ASL: variants seen among roughly 807,000 people sequenced by gnomAD.
ASL encodes the protein argininosuccinate lyase, also known as argininosuccinase.
Under a neutral mutation model 69.1 loss-of-function variants are expected in ASL, and 51 were observed. The ratio of observed to expected loss-of-function variants is 0.74; its 90% CI spans 0.59 to 0.93. ASL has a LOEUF of 0.93. Among genes scored for constraint, ASL ranks in the 40% least tolerant of loss-of-function variants. The pLI is 0.00. For missense variants in ASL, 540 were observed against 623.9 expected (o/e 0.87, Z 1.43); for synonymous variants, 241 against 247.6 (o/e 0.97, Z 0.25).
chr7:66,076,583 C>T (rs1292631157), intron 2 of ASL, among the ~76,000 whole-genome samples: 1 of 152,212 alleles, frequency 6.6e-6, no homozygotes, highest in African/African-American at 2.4e-5. Flanking sequence ...GGGACGTCGC[C>T]TCGTGGCTCC....
chr7:66,087,139 A>C, intron 8 of ASL, 195 bp from the exon 9 acceptor site: 2 of 681,504 alleles, frequency 2.9e-6, no homozygotes, highest in South Asian at 1.7e-5. Context: ...TTTTGTGGAC[A>C]CTTGGGGACA....
intron 11 of ASL, 78 bp from the exon 12 acceptor site, chr7:66,089,013 C>G: frequency 6.2e-7 from 1 of 1,609,702 alleles, no homozygotes; most frequent in Middle Eastern, 1.7e-4. Context: ...CCGTCCCACC[C>G]CTCCGCCAGA....
intron 7 of ASL, 24 bp from the exon 8 acceptor site, chr7:66,086,720 C>A: frequency 6.2e-7 from 1 of 1,609,952 alleles, no homozygotes; most frequent in Non-Finnish European, 8.5e-7. Flanking sequence ...CTGCCCTGAC[C>A]CTCCTGCCCC....
chr7:66,086,851 T>C, intron 8 of ASL, 30 bp downstream of exon 8: 4 of 1,552,150 alleles, frequency 2.6e-6, no homozygotes. Context: ...CCCGAGGGCC[T>C]GGTGGGGGTG....
chr7:66,088,970 C>T lies in ASL; in HGVS notation c.833+49C>T, dbSNP rs773583579. 4 of 1,607,698 alleles carry T rather than the reference C, an allele frequency of 2.5e-6. No individual in the cohort carries two copies. In the East Asian group the frequency reaches 6.7e-5, roughly 27 times the overall value. ...ATCTGCCGCTGCCGGCCTCTGTATC[C>T]CCCGCCGCCCGCGGACGTGGCTGCC... On this transcript the variant is annotated intron_variant, in intron 11 of 16. Transcript: ENST00000304874.
intron 4 of ASL, 53 bp downstream of exon 4, chr7:66,082,504 C>T: frequency 6.4e-7 from 1 of 1,564,600 alleles, no homozygotes; most frequent in Non-Finnish European, 8.7e-7. Context: ...CCACCTTGCC[C>T]AGGGCCACTT....
rs757340849 is a variant in ASL, at chr7:66,082,010, GCCCAAGCCCCA to G, written c.207+20_207+30del. On this transcript the variant is annotated intron_variant, in intron 3 of 16. Coordinates refer to ENST00000304874, the MANE Select transcript of ASL (RefSeq NM_000048.4). ...TGGCCTAGACAAGGTACTTGCCGTG[GCCCAAGCCCCA>G]CCCAAGGCCCCTTCCCTGTGGCCCC... 6.9e-6 allele frequency: 11 copies of G among 1,590,854 alleles called. No individual in the cohort carries two copies. In the African/African-American group the frequency reaches 1.3e-4, roughly 19 times the overall value.
At position 66,088,910 on chromosome 7, in the gene ASL, A is replaced by G; in HGVS notation, c.822A>G (p.Ser274=). 6.2e-7 allele frequency: 1 copy of G among 1,613,840 alleles called. No homozygotes were observed. Among genetic ancestry groups the G allele is most frequent in the Non-Finnish European group, 8.5e-7 (1 of 1,179,918 alleles). ...AGGAATTCAGCTTCGTGCAGCTCTC[A>G]GATGCCTACAGGTAAGCCCTGAACT... is the stretch of plus-strand genomic sequence containing the variant. ...CTKEFSFVQL[S]DAYSTGSSLM... Residue 274 remains serine, a synonymous_variant, in exon 11 of 17, where the codon TCA becomes TCG. Transcript: ENST00000304874.
Position 66,086,787 on chromosome 7 carries a change from G to T in ASL, c.568G>T (p.Val190Leu). ...CCGAGACTCTGAGCGGCTGCTGGAG[G>T]TGCGGAAGCGGATCAATGTCCTGCC... Reference protein sequence around the residue: ...LTRDSERLLEVRKRINVLPLG... With the variant: ...LTRDSERLLELRKRINVLPLG... Residue 190 changes from valine (V) to leucine (L), a missense_variant, in exon 8 of 17, where the codon GTG (valine) becomes TTG (leucine). Val to Leu is a conservative substitution (Grantham distance 32). Transcript: ENST00000304874. 2.5e-6 allele frequency: 4 copies of T among 1,592,238 alleles called. No homozygotes were observed. The highest frequency in any genetic ancestry group is 3.4e-6 in the Non-Finnish European group (4 of 1,169,982).
chr7:66,092,745 C>T (rs1786886583), intron 16 of ASL, 23 bp from the exon 17 acceptor site: 9 of 1,613,776 alleles, frequency 5.6e-6, no homozygotes, highest in Non-Finnish European at 7.6e-6. Flanking sequence ...GGCGCCCTGG[C>T]CCACCTCTTC....
chr7:66,087,133 G>C (rs1177857273), intron 8 of ASL: 1 of 671,644 alleles, frequency 1.5e-6, no homozygotes, highest in African/African-American at 1.8e-5. Flanking sequence ...CAAGTGTTTT[G>C]TGGACACTTG....
chr7:66,075,918 C>T (rs961008012), intron 1 of ASL, 62 bp downstream of exon 1: 27 of 838,410 alleles, frequency 3.2e-5, no homozygotes, highest in Non-Finnish European at 5.1e-5. Flanking sequence ...CCGTGGCGCG[C>T]GCTCACGTCC....
chr7:66,087,302 G>A (rs757473069), intron 8 of ASL, 32 bp from the exon 9 acceptor site: 5 of 1,596,066 alleles, frequency 3.1e-6, no homozygotes, highest in East Asian at 2.2e-5. Context: ...CCTGCCAGGA[G>A]CCCTGGTCAC....
In ASL at chr7:66,086,740, A is replaced by G. The variant is rs913487322; in HGVS notation, c.525-4A>G. 5 of 1,607,272 alleles carry G rather than the reference A, an allele frequency of 3.1e-6. No individual in the cohort carries two copies. Among genetic ancestry groups the G allele is most frequent in the Non-Finnish European group, 4.2e-6 (5 of 1,177,620 alleles). Reference sequence around the variant, plus strand: ...CTGACCCTCCTGCCCCTGGCTTCCCACAGCCACGCCGTGGCACTGACCCGA... The same window carrying G: ...CTGACCCTCCTGCCCCTGGCTTCCCGCAGCCACGCCGTGGCACTGACCCGA... On this transcript the variant is annotated splice_region_variant and splice_polypyrimidine_tract_variant and intron_variant, in intron 7 of 16. Coordinates refer to ENST00000304874, the MANE Select transcript of ASL (RefSeq NM_000048.4).
In ASL at chr7:66,088,878, T is replaced by A; in HGVS notation, c.790T>A (p.Cys264Ser). The change falls in exon 11 of 17, where the codon TGC (cysteine) becomes AGC (serine). Residue 264 changes from cysteine (C) to serine (S), a missense_variant. Coordinates refer to ENST00000304874, the MANE Select transcript of ASL (RefSeq NM_000048.4). ...SRMAEDLILY[C>S]TKEFSFVQLS... Reference sequence around the variant, plus strand: ...GATGGCCGAGGACCTCATCCTCTACTGCACCAAGGAATTCAGCTTCGTGCA... The same window carrying A: ...GATGGCCGAGGACCTCATCCTCTACAGCACCAAGGAATTCAGCTTCGTGCA... 2.5e-6 allele frequency: 4 copies of A among 1,614,092 alleles called. No individual in the cohort carries two copies. The African/African-American group carries it at 4.0e-5, about 16-fold the overall frequency.
Position 66,089,128 on chromosome 7 carries a change from G to C in ASL, c.871G>C (p.Asp291His). ...CCTGATGCCCCAGAAGAAAAACCCC[G>C]ACAGTTTGGAGCTGATCCGGAGCAA... ...SSLMPQKKNP[D>H]SLELIRSKAG... The change falls in exon 12 of 17, where the codon GAC becomes CAC. Residue 291 changes from aspartate to histidine, a missense_variant. By Grantham distance (81) the Asp-to-His change is moderately conservative. Transcript: ENST00000304874. 1 of 1,613,944 alleles carries C rather than the reference G, an allele frequency of 6.2e-7. No individual in the cohort carries two copies. The highest frequency in any genetic ancestry group is 8.5e-7 in the Non-Finnish European group (1 of 1,179,952).
chr7:66,086,702 G>A (rs1348242830), intron 7 of ASL, 40 bp downstream of exon 7: 4 of 1,611,970 alleles, frequency 2.5e-6, no homozygotes, highest in Admixed American at 3.3e-5. Flanking sequence ...TAGAGGGGAG[G>A]ACCCCGGCTG....
In ASL at chr7:66,088,728, C is replaced by CT. The variant is rs1786743104; in HGVS notation, c.719-78dup. Reference sequence around the variant, plus strand: ...AAATTTAGCCGGGTCCCCCCACCGCCTAACCTCCTCCTGCCCCCTGTATGG... The same window carrying CT: ...AAATTTAGCCGGGTCCCCCCACCGCCTTAACCTCCTCCTGCCCCCTGTATGG... On this transcript the variant is annotated intron_variant, in intron 10 of 16. Coordinates refer to ENST00000304874, the MANE Select transcript of ASL (RefSeq NM_000048.4). The CT allele has an allele frequency of 2.3e-6, 3 of 1,285,494 alleles. No individual in the cohort carries two copies. The Admixed American group carries it at 5.7e-5, about 24-fold the overall frequency. The allele number at this position is 1,285,494 out of a possible 1,614,324, so 79.6% of individuals were successfully genotyped here.
intron 2 of ASL, among the ~76,000 whole-genome samples, chr7:66,078,337 G>A (rs1032102394): frequency 2.0e-5 from 3 of 152,084 alleles, no homozygotes; most frequent in South Asian, 2.1e-4. Flanking sequence ...GGGTGGGGGC[G>A]GAGGCTGCCT....
Sources: allele counts gnomAD v4.1 joint callset (sites outside exome capture counted in the v4.1 genomes callset), GRCh38; gene constraint gnomAD v4.1.1; transcripts MANE v1.5; gene names NCBI Gene and HGNC (gene_info 2026-07-23, HGNC 2026-07-21).